The following VAT1L variants were observed in gnomAD, a reference collection of about 807,000 sequenced individuals.
VAT1L encodes the protein putative NADPH-dependent quinone oxidoreductase VAT1L.
In VAT1L, 34 loss-of-function variants were observed where a neutral mutation model predicts 44.1. The observed-to-expected ratio is 0.77, with a 90% CI of 0.59 to 1.03. The LOEUF (loss-of-function observed/expected upper bound fraction) is 1.03, where lower values mean the gene tolerates loss of function less well. Ranked by LOEUF, VAT1L falls within the 50% of genes least tolerant of loss-of-function variation. The pLI is 0.00. For synonymous variants in VAT1L, 253 were observed against 202.2 expected (o/e 1.25, Z -2.13); for missense variants, 615 against 538.8 (o/e 1.14, Z -1.40).
At chr16:77,832,017 A>C (rs2016585163) in intron 3 of VAT1L, among the ~76,000 whole-genome samples, 1 of 142,150 alleles carries the variant, frequency 7.0e-6, no homozygotes, top group Non-Finnish European at 1.5e-5. Flanking sequence ...TAGTAGAGAC[A>C]GGGATTCACC....
intron 7 of VAT1L, among the ~76,000 whole-genome samples, chr16:77,963,357 G>A (rs552273422): frequency 5.3e-5 from 8 of 152,132 alleles, no homozygotes; most frequent in African/African-American, 1.7e-4. Flanking sequence ...CTTTGAAGAC[G>A]GTGGGAGGGA....
intron 7 of VAT1L, among the ~76,000 whole-genome samples, chr16:77,912,326 AAT>A (rs1214060351): frequency 1.3e-5 from 2 of 152,242 alleles, no homozygotes. Context: ...TCTTTCATAT[AAT>A]ATGAGTTCAA....
intron 7 of VAT1L, among the ~76,000 whole-genome samples, chr16:77,945,510 G>A (rs528978073): frequency 5.9e-5 from 9 of 151,716 alleles, no homozygotes; most frequent in African/African-American, 1.2e-4. Flanking sequence ...AGCTGGTCTC[G>A]AATTCCTGGC....
At chr16:77,850,128 G>A (rs1003446287) in intron 3 of VAT1L, among the ~76,000 whole-genome samples, 1 of 152,170 alleles carries the variant, frequency 6.6e-6, no homozygotes, top group African/African-American at 2.4e-5. Context: ...TTTGCTTTCT[G>A]CCAGGCACTG....
intron 7 of VAT1L, among the ~76,000 whole-genome samples, chr16:77,964,030 C>G (rs1195941282): frequency 2.0e-5 from 3 of 152,098 alleles, no homozygotes. Context: ...CTGGCCGCTG[C>G]CTTCCCCTCC....
intron 7 of VAT1L, among the ~76,000 whole-genome samples, chr16:77,945,671 A>T (rs996549226): frequency 7.9e-5 from 12 of 152,130 alleles, no homozygotes; most frequent in African/African-American, 1.7e-4. Context: ...ATGTCCCTTC[A>T]AAGCAAGAAA....
At chr16:77,837,838 C>T (rs2016656548) in intron 3 of VAT1L, among the ~76,000 whole-genome samples, 1 of 152,056 alleles carries the variant, frequency 6.6e-6, no homozygotes, top group Non-Finnish European at 1.5e-5. Flanking sequence ...TTAGATGCTC[C>T]CTGGCACATA....
chr16:77,959,770 T>A (rs994625764), intron 7 of VAT1L, among the ~76,000 whole-genome samples: 17 of 152,116 alleles, frequency 1.1e-4, no homozygotes, highest in African/African-American at 4.1e-4. Context: ...GTGGCCCAAG[T>A]GTGAAGGAAC....
At chr16:77,811,215 CT>C (rs2016258825) in intron 1 of VAT1L, among the ~76,000 whole-genome samples, 1 of 152,174 alleles carries the variant, frequency 6.6e-6, no homozygotes, top group African/African-American at 2.4e-5. Context: ...TGAGCAACCC[CT>C]GCCTCTTTTT....
chr16:77,877,455 G>A (rs1283839714), intron 5 of VAT1L, among the ~76,000 whole-genome samples: 4 of 146,338 alleles, frequency 2.7e-5, no homozygotes, highest in African/African-American at 1.0e-4. Context: ...GGAGCTGGCA[G>A]TGAGCCGAGA....
chr16:77,906,236 T>G (rs1332043366), intron 7 of VAT1L, among the ~76,000 whole-genome samples: 1 of 152,204 alleles, frequency 6.6e-6, no homozygotes, highest in Non-Finnish European at 1.5e-5. Context: ...GGAGAGAGAT[T>G]TGATGTTTAA....
At chr16:77,959,379 T>C (rs1220181726) in intron 7 of VAT1L, among the ~76,000 whole-genome samples, 2 of 152,228 alleles carry the variant, frequency 1.3e-5, no homozygotes, top group Non-Finnish European at 2.9e-5. Context: ...ATGAACATGT[T>C]ACATTTAAAT....
intron 7 of VAT1L, among the ~76,000 whole-genome samples, chr16:77,941,362 T>G (rs144268337): frequency 4.6e-5 from 7 of 152,186 alleles, no homozygotes; most frequent in Admixed American, 2.6e-4. Context: ...CAAGTTATGA[T>G]GTGCTGTCAT....
intron 4 of VAT1L, among the ~76,000 whole-genome samples, chr16:77,872,829 G>A (rs191238521): frequency 1.9e-3 from 282 of 152,310 alleles, no homozygotes; most frequent in Non-Finnish European, 2.4e-3. Flanking sequence ...CCTTCTCTGT[G>A]TATTCACAAC....
At chr16:77,976,803 G>C (rs916164010) in intron 8 of VAT1L, among the ~76,000 whole-genome samples, 1 of 152,196 alleles carries the variant, frequency 6.6e-6, no homozygotes, top group Non-Finnish European at 1.5e-5. Flanking sequence ...AAGACCCAGA[G>C]GGGTAATCAT....
intron 4 of VAT1L, among the ~76,000 whole-genome samples, chr16:77,864,823 A>G (rs372585540): frequency 6.6e-6 from 1 of 152,148 alleles, no homozygotes; most frequent in East Asian, 1.9e-4. Flanking sequence ...GGTTGTCCCA[A>G]TAGTTCCAGC....
intron 7 of VAT1L, among the ~76,000 whole-genome samples, chr16:77,915,492 A>G (rs983089407): frequency 6.6e-6 from 1 of 152,212 alleles, no homozygotes; most frequent in Non-Finnish European, 1.5e-5. Flanking sequence ...AGTATATGAC[A>G]TTGTTTAGTG....
At chr16:77,906,669 GAAAAACTA>G (rs529013126) in intron 7 of VAT1L, among the ~76,000 whole-genome samples, 194 of 152,290 alleles carry the variant, frequency 1.3e-3, no homozygotes, top group African/African-American at 4.6e-3. Flanking sequence ...CTGTCTTCCT[GAAAAACTA>G]AGGGGGGAAC....
rs35838085 is a variant in VAT1L, at chr16:77,850,662, C to T, written c.580-12086C>T. 3.3e-5 allele frequency among the ~76,000 whole-genome samples: 5 copies of T among 151,532 alleles called. No homozygotes were observed. In the East Asian group the frequency reaches 5.8e-4, roughly 18 times the overall value. On this transcript the variant is annotated intron_variant, in intron 3 of 8. Transcript: ENST00000302536. ...GGTTTTTTGTTTTTGTTTTTGTTTTCTTTTGGTTGAAAGAGACGCATTTAT... is the reference window on the plus strand; with the variant it reads ...GGTTTTTTGTTTTTGTTTTTGTTTTTTTTTGGTTGAAAGAGACGCATTTAT...
Sources: allele counts gnomAD v4.1 joint callset (sites outside exome capture counted in the v4.1 genomes callset), GRCh38; gene constraint gnomAD v4.1.1; transcripts MANE v1.5; gene names NCBI Gene and HGNC (gene_info 2026-07-23, HGNC 2026-07-21).